The following ELAVL4 variants were observed in gnomAD, a reference collection of about 807,000 sequenced individuals.
The protein encoded by ELAVL4 is ELAV like RNA binding protein 4.
Under a neutral mutation model 35.6 loss-of-function variants are expected in ELAVL4, and 1 was observed. That is an observed-to-expected ratio of 0.03 (90% CI 0.01 to 0.13). The LOEUF is 0.13. Among genes scored for constraint, ELAVL4 ranks in the 10% least tolerant of loss-of-function variants. The pLI is 1.00. For synonymous variants in ELAVL4, 156 were observed against 171.0 expected, an observed-to-expected ratio of 0.91 and a Z score of 0.69; for missense variants, 267 against 464.9, an observed-to-expected ratio of 0.57 and a Z score of 3.91.
chr1:50,197,643 G>A, intron 6 of ELAVL4, 176 bp downstream of exon 6: 1 of 547,388 alleles, frequency 1.8e-6, no homozygotes, highest in South Asian at 3.3e-5. Context: ...GTTTCTTTTA[G>A]GGCACACAAA....
chr1:50,069,371 AT>A (rs1397298464), intron 1 of ELAVL4, among the ~76,000 whole-genome samples: 1 of 152,124 alleles, frequency 6.6e-6, no homozygotes, highest in Non-Finnish European at 1.5e-5. Context: ...TTTCTTGTTA[AT>A]TCTGGTTGAG....
In ELAVL4 at chr1:50,202,182, A is replaced by C. The variant is rs1644419230; in HGVS notation, c.*1004A>C. The C allele has an allele frequency of 6.6e-6, 1 of 152,150 alleles. No homozygotes were observed. Among genetic ancestry groups the C allele is most frequent in the Non-Finnish European group, 1.5e-5 (1 of 67,996 alleles). The allele number at this position is 152,150 out of a possible 1,614,324, so 9.4% of individuals were successfully genotyped here. A position where few individuals can be genotyped will look rare whatever the true frequency, so the allele number is the denominator to read the frequency against. Reference sequence around the variant, plus strand: ...ACTAGGGGAAAGGAGTGTTCGTTCTACCCAGGGTACCACAGTTCCCCACAG... The same window carrying C: ...ACTAGGGGAAAGGAGTGTTCGTTCTCCCCAGGGTACCACAGTTCCCCACAG... On this transcript the variant is annotated 3_prime_UTR_variant, in exon 7 of 7. Transcript: ENST00000371824.
chr1:50,050,855 A>T (rs1252265603), intron 1 of ELAVL4, among the ~76,000 whole-genome samples: 2 of 152,236 alleles, frequency 1.3e-5, no homozygotes. Flanking sequence ...AATAAATTCT[A>T]TGCATTGTTT....
At chr1:50,120,565 T>C (rs1197357106) in intron 1 of ELAVL4, among the ~76,000 whole-genome samples, 4 of 152,052 alleles carry the variant, frequency 2.6e-5, no homozygotes, top group African/African-American at 9.7e-5. Context: ...TTAATTCTTT[T>C]TCAGGGTCAA....
intron 1 of ELAVL4, chr1:50,109,543 G>T: frequency 2.8e-6 from 1 of 360,312 alleles, no homozygotes; most frequent in South Asian, 4.7e-5. Flanking sequence ...AGGGAGAGGG[G>T]GTTTGTCTAC....
At chr1:50,071,321 C>T (rs1234504461) in intron 1 of ELAVL4, among the ~76,000 whole-genome samples, 1 of 152,206 alleles carries the variant, frequency 6.6e-6, no homozygotes, top group Non-Finnish European at 1.5e-5. Flanking sequence ...GTTTCCTTGT[C>T]TCCTCATTAC....
intron 6 of ELAVL4, among the ~76,000 whole-genome samples, chr1:50,199,304 T>C (rs1207285501): frequency 1.3e-5 from 2 of 152,340 alleles, no homozygotes; most frequent in African/African-American, 2.4e-5. Context: ...TTAAAAACAG[T>C]TGTAGCTCAC....
chr1:50,155,038 T>C (rs1001945994), intron 2 of ELAVL4, among the ~76,000 whole-genome samples: 2 of 151,962 alleles, frequency 1.3e-5, no homozygotes, highest in African/African-American at 4.8e-5. Context: ...TAATTATTAT[T>C]ATACTTTAAG....
At chr1:50,178,646 T>G (rs1680499285) in intron 3 of ELAVL4, among the ~76,000 whole-genome samples, 1 of 152,200 alleles carries the variant, frequency 6.6e-6, no homozygotes, top group Admixed American at 6.5e-5. Flanking sequence ...AAGAGTTGTT[T>G]AATTATGGGG....
chr1:50,111,319 T>C (rs1190814654), intron 1 of ELAVL4, among the ~76,000 whole-genome samples: 1 of 151,848 alleles, frequency 6.6e-6, no homozygotes. Context: ...GTGAGACCAT[T>C]TGAAAAAATG....
intron 1 of ELAVL4, 121 bp downstream of exon 1, chr1:50,109,319 C>A: frequency 9.9e-7 from 1 of 1,014,260 alleles, no homozygotes; most frequent in Non-Finnish European, 1.5e-6. Flanking sequence ...TTGGTTCCTA[C>A]ATTTACTATC....
chr1:50,195,490 C>G (rs1483513666), intron 4 of ELAVL4, 71 bp from the exon 5 acceptor site: 2 of 1,532,902 alleles, frequency 1.3e-6, no homozygotes, highest in Non-Finnish European at 1.8e-6. Flanking sequence ...TCCACAGGAC[C>G]CATCTCTTCC....
At chr1:50,072,189 C>A (rs1223951487) in intron 1 of ELAVL4, among the ~76,000 whole-genome samples, 1 of 152,092 alleles carries the variant, frequency 6.6e-6, no homozygotes, top group African/African-American at 2.4e-5. Flanking sequence ...GAAATGGGTT[C>A]AAGTCCTGAA....
chr1:50,199,539 C>G (rs1208707765), intron 6 of ELAVL4, among the ~76,000 whole-genome samples: 1 of 152,244 alleles, frequency 6.6e-6, no homozygotes, highest in Non-Finnish European at 1.5e-5. Flanking sequence ...AACCCCGTCT[C>G]TACTAAAAAT....
intron 1 of ELAVL4, among the ~76,000 whole-genome samples, chr1:50,110,877 A>T (rs1046015741): frequency 6.6e-6 from 1 of 152,064 alleles, no homozygotes; most frequent in African/African-American, 2.4e-5. Context: ...CTGGGAGGAA[A>T]ACCCAATGAA....
At chr1:50,179,087 A>G (rs1213839037) in intron 3 of ELAVL4, among the ~76,000 whole-genome samples, 1 of 151,856 alleles carries the variant, frequency 6.6e-6, no homozygotes, top group Non-Finnish European at 1.5e-5. Context: ...ATCTAAGTGG[A>G]TCTTAGAGAC....
intron 6 of ELAVL4, among the ~76,000 whole-genome samples, chr1:50,198,998 A>G (rs1039340760): frequency 2.0e-5 from 3 of 152,226 alleles, no homozygotes; most frequent in African/African-American, 7.2e-5. Flanking sequence ...ACCAGGGTCA[A>G]CTCACTTGGT....
intron 1 of ELAVL4, 77 bp downstream of exon 1, chr1:50,109,275 A>G (rs1434693144): frequency 6.1e-6 from 9 of 1,464,624 alleles, no homozygotes; most frequent in African/African-American, 1.4e-5. Flanking sequence ...GACCAGTCTT[A>G]TGCTTGCACA....
intron 2 of ELAVL4, among the ~76,000 whole-genome samples, chr1:50,150,424 G>A (rs976670093): frequency 6.6e-6 from 1 of 152,204 alleles, no homozygotes; most frequent in Non-Finnish European, 1.5e-5. Context: ...CTAATTAAAG[G>A]AACCAACTCA....
Sources: allele counts gnomAD v4.1 joint callset (sites outside exome capture counted in the v4.1 genomes callset), GRCh38; gene constraint gnomAD v4.1.1; transcripts MANE v1.5; gene names NCBI Gene and HGNC (gene_info 2026-07-23, HGNC 2026-07-21).